VWA8: variants seen among roughly 807,000 people sequenced by gnomAD.
The protein encoded by VWA8 is von Willebrand factor A domain containing 8.
VWA8 carries 221 observed loss-of-function variants against 241.5 expected under a neutral mutation model. The observed-to-expected ratio is 0.91, with a 90% CI of 0.82 to 1.02. VWA8 has a LOEUF of 1.02. Ranked by LOEUF, VWA8 falls within the 50% of genes least tolerant of loss-of-function variation. The pLI, the probability that VWA8 is intolerant of heterozygous loss-of-function variation, is 0.00. For synonymous variants in VWA8, 852 were observed against 827.1 expected (o/e 1.03, Z -0.52); for missense variants, 2,322 against 2,328.7 (o/e 1.00, Z 0.06).
At chr13:41,940,973 C>T (rs1877569870) in intron 2 of VWA8, among the ~76,000 whole-genome samples, 1 of 152,102 alleles carries the variant, frequency 6.6e-6, no homozygotes, top group South Asian at 2.1e-4. Flanking sequence ...ATTAACTCTT[C>T]AGGTAAATTT....
chr13:41,928,382 A>C (rs953902704), intron 2 of VWA8, among the ~76,000 whole-genome samples: 1 of 152,218 alleles, frequency 6.6e-6, no homozygotes, highest in African/African-American at 2.4e-5. Context: ...TTAGAAAACC[A>C]AAATCATATC....
At chr13:41,876,486 T>C (rs1160843873) in intron 9 of VWA8, among the ~76,000 whole-genome samples, 1 of 152,132 alleles carries the variant, frequency 6.6e-6, no homozygotes, top group African/African-American at 2.4e-5. Flanking sequence ...CTGAAATACT[T>C]TCTACCCACA....
chr13:41,748,725 C>T (rs2045629940), intron 21 of VWA8, among the ~76,000 whole-genome samples: 1 of 152,214 alleles, frequency 6.6e-6, no homozygotes, highest in Non-Finnish European at 1.5e-5. Context: ...ACTATCTGAT[C>T]TTTGACAAAC....
At chr13:41,678,424 A>G (rs577195264) in intron 35 of VWA8, among the ~76,000 whole-genome samples, 45 of 152,336 alleles carry the variant, frequency 3.0e-4, no homozygotes, top group African/African-American at 1.0e-3. Context: ...TTTGTATCAT[A>G]TATCATTTTT....
chr13:41,678,850 G>C (rs1396009531), intron 35 of VWA8, among the ~76,000 whole-genome samples: 1 of 152,144 alleles, frequency 6.6e-6, no homozygotes, highest in Non-Finnish European at 1.5e-5. Flanking sequence ...TGTGGCTACA[G>C]ATCACTTCAG....
intron 12 of VWA8, among the ~76,000 whole-genome samples, chr13:41,852,302 G>A (rs1294007568): frequency 6.6e-6 from 1 of 152,052 alleles, no homozygotes; most frequent in African/African-American, 2.4e-5. Flanking sequence ...TTGTTTTATT[G>A]CTACTAAGTT....
chr13:41,711,145 A>G (rs905264570), intron 26 of VWA8, among the ~76,000 whole-genome samples: 23 of 152,194 alleles, frequency 1.5e-4, no homozygotes, highest in Admixed American at 1.2e-3. Context: ...GGGTAATACT[A>G]AAATATGTTG....
intron 17 of VWA8, among the ~76,000 whole-genome samples, chr13:41,799,283 T>G (rs1869842070): frequency 6.6e-6 from 1 of 152,232 alleles, no homozygotes; most frequent in Non-Finnish European, 1.5e-5. Context: ...CAGATTGGTT[T>G]TCAAGGTTGG....
chr13:41,760,985 G>T, intron 21 of VWA8, 143 bp downstream of exon 21: 1 of 798,574 alleles, frequency 1.3e-6, no homozygotes. Context: ...TACCTTTAAA[G>T]GAGAGAAGAG....
chr13:41,868,440 G>A lies in VWA8; in HGVS notation c.1118C>T (p.Pro373Leu), dbSNP rs768798332. 9 of 1,613,782 alleles carry A rather than the reference G, an allele frequency of 5.6e-6. No homozygotes were observed. Among genetic ancestry groups the A allele is most frequent in the Non-Finnish European group, 6.8e-6 (8 of 1,179,942 alleles). Residue 373 changes from proline to leucine, a missense_variant, in exon 10 of 45, where the codon CCT becomes CTT. Coordinates refer to ENST00000379310, the MANE Select transcript of VWA8 (RefSeq NM_015058.2). Reference sequence around the variant, plus strand: ...CTTCTCTACTTTTACAATCTCTTTAGGAAGTAGAGAGCTTCCTGAATCTTG... The same window carrying A: ...CTTCTCTACTTTTACAATCTCTTTAAGAAGTAGAGAGCTTCCTGAATCTTG... ...ELQDSGSSLL[P>L]KEIVKVEKMM...
intron 18 of VWA8, among the ~76,000 whole-genome samples, chr13:41,784,871 C>A (rs1206443568): frequency 6.7e-6 from 1 of 149,406 alleles, no homozygotes; most frequent in Non-Finnish European, 1.5e-5. Flanking sequence ...ATTTTCATAC[C>A]CAGCCAGATT....
chr13:41,771,907 T>TTTTTTA (rs2045826352), intron 20 of VWA8, among the ~76,000 whole-genome samples: 1 of 144,994 alleles, frequency 6.9e-6, no homozygotes, highest in African/African-American at 2.6e-5. Flanking sequence ...TTTTTTTTTT[T>TTTTTTA]GAGATGGAGT....
intron 2 of VWA8, among the ~76,000 whole-genome samples, chr13:41,941,503 C>T (rs186915357): frequency 3.3e-5 from 5 of 152,254 alleles, no homozygotes; most frequent in African/African-American, 7.2e-5. Flanking sequence ...GAAAAGCCTA[C>T]GGCCATTTGT....
chr13:41,952,121 G>A (rs1878165367), intron 1 of VWA8, among the ~76,000 whole-genome samples: 2 of 152,104 alleles, frequency 1.3e-5, no homozygotes, highest in South Asian at 2.1e-4. Flanking sequence ...AAGCATCAAC[G>A]TCACCTGGGA....
chr13:41,681,346 T>A (rs190159351), intron 35 of VWA8, among the ~76,000 whole-genome samples: 68 of 152,324 alleles, frequency 4.5e-4, no homozygotes, highest in African/African-American at 1.6e-3. Context: ...AAGATGGCCC[T>A]GCATAAAGCC....
rs566814935 is a variant in VWA8 at position 41,568,051 on chromosome 13, G to A, written c.*146C>T. ...GGCTGCTTCTCTGAATTCTCATTACGGAGCAAGTGTAGGAAGACCCAGGAA... is the reference window on the plus strand; with the variant it reads ...GGCTGCTTCTCTGAATTCTCATTACAGAGCAAGTGTAGGAAGACCCAGGAA... On this transcript the variant is annotated 3_prime_UTR_variant, in exon 45 of 45. Coordinates refer to ENST00000379310, the MANE Select transcript of VWA8 (RefSeq NM_015058.2). 3.7e-5 allele frequency: 24 copies of A among 642,446 alleles called. No homozygotes were observed. Among genetic ancestry groups the A allele is most frequent in the East Asian group, 2.5e-4 (9 of 36,372 alleles). The allele number at this position is 642,446 out of a possible 1,614,324, so 39.8% of individuals were successfully genotyped here.
intron 37 of VWA8, among the ~76,000 whole-genome samples, chr13:41,664,772 C>T (rs1401660765): frequency 6.6e-6 from 1 of 152,112 alleles, no homozygotes; most frequent in Admixed American, 6.5e-5. Flanking sequence ...GAGGAAAAAG[C>T]TATGAAAAGC....
intron 19 of VWA8, among the ~76,000 whole-genome samples, chr13:41,780,193 A>G (rs1444420587): frequency 6.6e-6 from 1 of 152,104 alleles, no homozygotes; most frequent in African/African-American, 2.4e-5. Flanking sequence ...TTGGATACCC[A>G]CATGTCAGCA....
At chr13:41,895,908 T>TA (rs1335697036) in intron 4 of VWA8, among the ~76,000 whole-genome samples, 2 of 150,806 alleles carry the variant, frequency 1.3e-5, no homozygotes, top group African/African-American at 4.9e-5. Flanking sequence ...AATCTTAATG[T>TA]AAAAAAAACC....
Sources: allele counts gnomAD v4.1 joint callset (sites outside exome capture counted in the v4.1 genomes callset), GRCh38; gene constraint gnomAD v4.1.1; transcripts MANE v1.5; gene names NCBI Gene and HGNC (gene_info 2026-07-23, HGNC 2026-07-21).